DNAH7: variants seen among roughly 807,000 people sequenced by gnomAD.
DNAH7 encodes axonemal beta dynein heavy chain 7.
A neutral mutation model predicts 444.6 loss-of-function variants in DNAH7; 397 were observed. The observed-to-expected ratio is 0.89, with a 90% CI of 0.82 to 0.97. The LOEUF is 0.97. Among genes scored for constraint, DNAH7 ranks in the 50% least tolerant of loss-of-function variants. The pLI is 0.00. For missense variants in DNAH7, 4,902 were observed against 4,800.8 expected (o/e 1.02, Z -0.62); for synonymous variants, 1,636 against 1,624.4 (o/e 1.01, Z -0.17).
In DNAH7 at chr2:195,775,928, AT is replaced by A. The variant is rs773371085; in HGVS notation, c.11119del (p.Ile3707SerfsTer4). The A allele has an allele frequency of 2.5e-6, 4 of 1,614,170 alleles. No homozygotes were observed. Among genetic ancestry groups the A allele is most frequent in the East Asian group, 2.2e-5 (1 of 44,876 alleles). On this transcript the variant is annotated frameshift_variant, in exon 60 of 65. Transcript: ENST00000312428. LOFTEE classifies it high-confidence loss of function. ...KTLPLTPAPE[I>X]FGMNANADIT... Reference sequence around the variant, plus strand: ...ATCTGCATTGGCATTCATCCCAAAGATTTCTGGTGCTGGGGTCAGTGGCAGA... The same window carrying A: ...ATCTGCATTGGCATTCATCCCAAAGATTCTGGTGCTGGGGTCAGTGGCAGA...
chr2:195,756,117 A>C lies in DNAH7; in HGVS notation c.11586+16T>G. 2 of 1,591,406 alleles carry C rather than the reference A, an allele frequency of 1.3e-6. No homozygotes were observed. ...AGGAGAAACTTAACAATATACGATC[A>C]TTTAGACGAACTTACCTGCAAGAAT... On this transcript the variant is annotated intron_variant, in intron 62 of 64. Transcript: ENST00000312428.
intron 1 of DNAH7, among the ~76,000 whole-genome samples, chr2:196,063,021 T>A (rs575221168): frequency 7.9e-5 from 12 of 152,262 alleles, no homozygotes; most frequent in African/African-American, 2.9e-4. Context: ...TAGCTAGGAT[T>A]ACAGGCGTGT....
At position 195,864,559 on chromosome 2, in the gene DNAH7, C is replaced by G; in HGVS notation, c.7096G>C (p.Glu2366Gln). The change falls in exon 41 of 65, where the codon GAA becomes CAA. Residue 2366 changes from glutamate (E) to glutamine (Q), a missense_variant. Physicochemically the swap from Glu to Gln is conservative, Grantham distance 29. Coordinates refer to ENST00000312428, the MANE Select transcript of DNAH7 (RefSeq NM_018897.3). ...GTAGTATCATACCCCTTAGAGATTT[C>G]AACTTGGAAAACTGAATAATCAGCC... Reference protein sequence around the residue: ...HMADYSVFQVEISKGYDTTEW... With the variant: ...HMADYSVFQVQISKGYDTTEW... The G allele has an allele frequency of 3.1e-6, 5 of 1,614,130 alleles. No homozygotes were observed. The highest frequency in any genetic ancestry group is 4.2e-6 in the Non-Finnish European group (5 of 1,180,026).
chr2:196,005,914 A>AACAC (rs3052597), intron 10 of DNAH7, among the ~76,000 whole-genome samples: 11,611 of 150,052 alleles, frequency 0.077, 659 homozygotes, highest in African/African-American at 0.17. Flanking sequence ...ACAAAGACAT[A>AACAC]ACACACACAC....
intron 33 of DNAH7, 110 bp from the exon 34 acceptor site, chr2:195,886,382 T>G: frequency 3.0e-6 from 3 of 993,800 alleles, no homozygotes; most frequent in Non-Finnish European, 4.3e-6. Flanking sequence ...AGTAATAATT[T>G]TAAATTCATA....
chr2:195,962,150 C>T (rs1274095128), intron 17 of DNAH7, among the ~76,000 whole-genome samples: 1 of 152,086 alleles, frequency 6.6e-6, no homozygotes, highest in Non-Finnish European at 1.5e-5. Flanking sequence ...TAGCTAAATA[C>T]ATGGGTTACG....
At chr2:196,015,584 T>TA (rs1182404587) in intron 9 of DNAH7, among the ~76,000 whole-genome samples, 6 of 152,220 alleles carry the variant, frequency 3.9e-5, no homozygotes, top group African/African-American at 1.4e-4. Flanking sequence ...TTACAAAGGC[T>TA]ATCTATGACA....
At chr2:195,871,614 T>C (rs995169467) in intron 40 of DNAH7, among the ~76,000 whole-genome samples, 5 of 151,664 alleles carry the variant, frequency 3.3e-5, no homozygotes, top group Non-Finnish European at 7.4e-5. Context: ...AAAAACCACA[T>C]TCACTTCTTA....
At chr2:195,933,559 C>T (rs1259328240) in intron 21 of DNAH7, among the ~76,000 whole-genome samples, 3 of 152,084 alleles carry the variant, frequency 2.0e-5, no homozygotes, top group African/African-American at 7.2e-5. Context: ...CTATGGAATA[C>T]TATGCAGCCA....
At chr2:195,785,069 G>A (rs1177837697) in intron 58 of DNAH7, among the ~76,000 whole-genome samples, 5 of 152,004 alleles carry the variant, frequency 3.3e-5, no homozygotes, top group African/African-American at 1.2e-4. Context: ...CTGCCATCAC[G>A]CCCGGCTAAT....
intron 60 of DNAH7, among the ~76,000 whole-genome samples, chr2:195,772,922 A>G (rs938939014): frequency 2.6e-5 from 4 of 151,906 alleles, no homozygotes; most frequent in Non-Finnish European, 5.9e-5. Context: ...CTGGGATTAT[A>G]GGGGACTGCT....
At chr2:195,842,016 T>C (rs1698717178) in intron 47 of DNAH7, among the ~76,000 whole-genome samples, 1 of 152,100 alleles carries the variant, frequency 6.6e-6, no homozygotes, top group Admixed American at 6.6e-5. Flanking sequence ...ACACATAAAT[T>C]CATAAAAACA....
chr2:195,785,207 G>A (rs1486761369), intron 58 of DNAH7, among the ~76,000 whole-genome samples: 1 of 152,072 alleles, frequency 6.6e-6, no homozygotes, highest in Non-Finnish European at 1.5e-5. Context: ...CACCGCACCC[G>A]GCCGACCCAT....
intron 12 of DNAH7, among the ~76,000 whole-genome samples, chr2:195,994,069 G>T (rs187134248): frequency 6.6e-6 from 1 of 152,318 alleles, no homozygotes; most frequent in Admixed American, 6.5e-5. Flanking sequence ...TGTGCATTTA[G>T]ACAAGTTGTT....
At chr2:195,815,165 T>C (rs1697164597) in intron 51 of DNAH7, among the ~76,000 whole-genome samples, 1 of 151,990 alleles carries the variant, frequency 6.6e-6, no homozygotes, top group African/African-American at 2.4e-5. Context: ...CTAAGAAAGA[T>C]CACTTAAAAT....
chr2:195,890,629 C>T (rs1701960701), intron 31 of DNAH7, among the ~76,000 whole-genome samples: 1 of 152,104 alleles, frequency 6.6e-6, no homozygotes, highest in Non-Finnish European at 1.5e-5. Flanking sequence ...ATCAAGGGTT[C>T]CAGAGCTCTG....
rs2125214138 is a variant in DNAH7, at chr2:195,889,110, G to T, written c.5047-129C>A. On this transcript the variant is annotated intron_variant, in intron 31 of 64. Transcript: ENST00000312428. ...TTAATTTCATCATGAAAACGTAAAA[G>T]CACTTTTTGAATAAAGATTACTATG... 3.6e-6 allele frequency: 3 copies of T among 841,486 alleles called. No individual in the cohort carries two copies. The East Asian group carries it at 8.2e-5, about 23-fold the overall frequency. 52.1% of individuals were successfully genotyped at this position (841,486 alleles called of 1,614,324 possible).
At chr2:195,885,432 T>C (rs1701648286) in intron 34 of DNAH7, among the ~76,000 whole-genome samples, 1 of 152,224 alleles carries the variant, frequency 6.6e-6, no homozygotes, top group South Asian at 2.1e-4. Flanking sequence ...TTCTGGACTA[T>C]GCTCATAAAA....
intron 24 of DNAH7, among the ~76,000 whole-genome samples, chr2:195,921,102 C>T (rs962579603): frequency 6.6e-6 from 1 of 152,158 alleles, no homozygotes; most frequent in African/African-American, 2.4e-5. Context: ...AACACTTTTA[C>T]ATCACTGGTA....
Sources: gnomAD v4.1 joint callset for allele counts (sites outside exome capture counted in the v4.1 genomes callset) on GRCh38, gnomAD v4.1.1 for gene constraint, MANE v1.5 for transcripts, NCBI Gene and HGNC (gene_info 2026-07-23, HGNC 2026-07-21) for gene names.